The following CDH23 variants were observed in gnomAD, a reference collection of about 807,000 sequenced individuals.
The protein encoded by CDH23 is cadherin related 23.
A neutral mutation model predicts 317.1 loss-of-function variants in CDH23; 189 were observed. The observed-to-expected ratio is 0.60, with a 90% CI of 0.53 to 0.67. The LOEUF is 0.67. CDH23 is among the 30% of genes least tolerant of loss of function. CDH23 has a pLI of 0.00. For synonymous variants in CDH23, 1,839 were observed against 1,876.8 expected, an observed-to-expected ratio of 0.98 and a Z score of 0.52; for missense variants, 4,401 against 4,592.4, an observed-to-expected ratio of 0.96 and a Z score of 1.20.
intron 38 of CDH23, among the ~76,000 whole-genome samples, chr10:71,766,767 G>A (rs1046732087): frequency 2.6e-5 from 4 of 152,140 alleles, no homozygotes; most frequent in East Asian, 3.9e-4. Context: ...GCCACACAGT[G>A]CTGTGTGACT....
intron 35 of CDH23, among the ~76,000 whole-genome samples, chr10:71,739,132 G>A (rs1839665140): frequency 6.6e-6 from 1 of 152,202 alleles, no homozygotes; most frequent in African/African-American, 2.4e-5. Context: ...TGGCTTGCAT[G>A]GTCTAGGGGG....
In CDH23 at chr10:71,793,262, G is replaced by A. The variant is rs371928601; in HGVS notation, c.6334G>A (p.Ala2112Thr). Residue 2112 changes from alanine (A) to threonine (T), a missense_variant, in exon 48 of 70, where the codon GCT becomes ACT. Physicochemically the swap from Ala to Thr is moderately conservative, Grantham distance 58 (BLOSUM62 0). This residue lies in a region of CDH23 where 3,068 missense variants were observed against 3,203.3 expected (regional missense o/e 0.96). Coordinates refer to ENST00000224721, the MANE Select transcript of CDH23 (RefSeq NM_022124.6). ...GCTGGTCTACCGAATAGAAGCTGGG[G>A]CTCAGGACCGCTTCCTCATTCATCT... ...GELVYRIEAG[A>T]QDRFLIHLVT... The A allele has an allele frequency of 4.3e-6, 7 of 1,613,820 alleles. No homozygotes were observed. The African/African-American group carries it at 6.7e-5, about 15-fold the overall frequency.
intron 6 of CDH23, among the ~76,000 whole-genome samples, chr10:71,531,398 T>C (rs1564635557): frequency 6.6e-6 from 1 of 152,334 alleles, no homozygotes; most frequent in South Asian, 2.1e-4. Context: ...TGAACCTCCA[T>C]TGACACCCAC....
At chr10:71,752,424 G>C (rs1840027654) in intron 38 of CDH23, among the ~76,000 whole-genome samples, 1 of 152,176 alleles carries the variant, frequency 6.6e-6, no homozygotes, top group African/African-American at 2.4e-5. Flanking sequence ...GCAGGTACCG[G>C]GGCAGGAACT....
In CDH23 at chr10:71,447,390, C is replaced by T. The variant is rs1018389461; in HGVS notation, c.145+995C>T. Among the ~76,000 whole-genome samples, 7 of 152,278 alleles carry T rather than the reference C, an allele frequency of 4.6e-5. No individual in the cohort carries two copies. The South Asian group carries it at 1.0e-3, about 23-fold the overall frequency. On this transcript the variant is annotated intron_variant, in intron 3 of 69. Coordinates refer to ENST00000224721, the MANE Select transcript of CDH23 (RefSeq NM_022124.6). ...ATCTCTGCTCCAGTGGGGTGCCTTA[C>T]GCGGGCCCAGACTCTCCCCTGCTGT...
chr10:71,641,000 C>T (rs1026388562), intron 11 of CDH23, among the ~76,000 whole-genome samples: 4 of 152,166 alleles, frequency 2.6e-5, no homozygotes, highest in Non-Finnish European at 5.9e-5. Context: ...GCTTCCACCC[C>T]CTCCCTCAGT....
intron 6 of CDH23, among the ~76,000 whole-genome samples, chr10:71,562,308 C>T (rs1211269353): frequency 1.3e-5 from 2 of 152,198 alleles, no homozygotes; most frequent in Admixed American, 6.5e-5. Context: ...CCTCCCCATG[C>T]GCATGCTGAT....
At chr10:71,648,236 C>T (rs1165492552) in intron 14 of CDH23, among the ~76,000 whole-genome samples, 1 of 152,210 alleles carries the variant, frequency 6.6e-6, no homozygotes, top group Admixed American at 6.5e-5. Flanking sequence ...GCTTGAGGCC[C>T]CCTGGACCTT....
chr10:71,730,056 G>C (rs1348157276), intron 30 of CDH23, among the ~76,000 whole-genome samples: 1 of 152,014 alleles, frequency 6.6e-6, no homozygotes, highest in African/African-American at 2.4e-5. Flanking sequence ...GGATGGTCTC[G>C]ATCTTCTGAC....
At chr10:71,499,549 T>A (rs1025498485) in intron 3 of CDH23, among the ~76,000 whole-genome samples, 1 of 148,514 alleles carries the variant, frequency 6.7e-6, no homozygotes, top group African/African-American at 2.5e-5. Context: ...GCAACAAGAG[T>A]GAAATTCCAG....
At chr10:71,415,541 C>A (rs10823737) in intron 1 of CDH23, among the ~76,000 whole-genome samples, 45,984 of 152,042 alleles carry the variant, frequency 0.3, 7,130 homozygotes, top group Middle Eastern at 0.45. Flanking sequence ...ATTTGTATTT[C>A]TTTTCTTCAG....
chr10:71,798,545 C>G lies in CDH23; in HGVS notation c.7021C>G (p.Pro2341Ala). ...CTACACCCTGCTGGACCTGGTGCCC[C>G]CAGGGTATGTCCAGCTGGAGGACTC... ...VTYTLLDLVPPGYVQLEDSSA... is the reference protein window; with the variant it reads ...VTYTLLDLVPAGYVQLEDSSA... Residue 2341 changes from proline (P) to alanine (A), a missense_variant, in exon 50 of 70, where the codon CCA becomes GCA. Pro to Ala is a conservative substitution (Grantham distance 27). Transcript: ENST00000224721. 6.2e-7 allele frequency: 1 copy of G among 1,613,190 alleles called. No individual in the cohort carries two copies. Among genetic ancestry groups the G allele is most frequent in the Non-Finnish European group, 8.5e-7 (1 of 1,179,500 alleles).
At chr10:71,701,290 A>C (rs1865573947) in intron 22 of CDH23, among the ~76,000 whole-genome samples, 1 of 152,154 alleles carries the variant, frequency 6.6e-6, no homozygotes, top group South Asian at 2.1e-4. Context: ...GGATCGGTGC[A>C]CGCAGGGGGC....
rs1840674026 is a variant in CDH23 at position 71,771,122 on chromosome 10, TCAGC to T, written c.4846-6556_4846-6553del. Among the ~76,000 whole-genome samples the T allele has an allele frequency of 1.3e-5, 2 of 152,110 alleles. 1 individual carries two copies. The highest frequency in any genetic ancestry group is 4.1e-4 in the South Asian group (2 of 4,822). On this transcript the variant is annotated intron_variant, in intron 38 of 69. Coordinates refer to ENST00000224721, the MANE Select transcript of CDH23 (RefSeq NM_022124.6). ...AGTCCCAGAGGTTGGGAGTCCTGAG[TCAGC>T]CTGTGAGGACAGGGCAAGGACAGTA...
Position 71,689,300 on chromosome 10 carries a change from C to G in CDH23, c.2060-1168C>G, listed in dbSNP as rs1865096439. Reference sequence around the variant, plus strand: ...CTAAAGAGAACCTCTGGGTACCACTCTGGCACCTGACAATGAGCTGGGTGG... The same window carrying G: ...CTAAAGAGAACCTCTGGGTACCACTGTGGCACCTGACAATGAGCTGGGTGG... On this transcript the variant is annotated intron_variant, in intron 19 of 69. Transcript: ENST00000224721. Among the ~76,000 whole-genome samples, 3 of 152,022 alleles carry G rather than the reference C, an allele frequency of 2.0e-5. No homozygotes were observed. The South Asian group carries it at 6.2e-4, about 31-fold the overall frequency.
rs546300313 is a variant in CDH23, at chr10:71,702,465, C to T, written c.2588-84C>T. 5.8e-6 allele frequency: 9 copies of T among 1,557,372 alleles called. No homozygotes were observed. The South Asian group carries it at 1.0e-4, about 18-fold the overall frequency. ...TGGAGGGCTCTGAATCTGCCACCCT[C>T]TCACCACTTGCCTTCTTCCTGTCCG... is the stretch of plus-strand genomic sequence containing the variant. On this transcript the variant is annotated intron_variant, in intron 23 of 69. Transcript: ENST00000224721.
chr10:71,721,476 T>C (rs2132791204), intron 28 of CDH23, among the ~76,000 whole-genome samples: 1 of 152,332 alleles, frequency 6.6e-6, no homozygotes, highest in East Asian at 1.9e-4. Context: ...CTGGTCATCA[T>C]TGTGCCCAGT....
chr10:71,441,863 C>T (rs1174870688), intron 2 of CDH23, among the ~76,000 whole-genome samples: 1 of 152,204 alleles, frequency 6.6e-6, no homozygotes, highest in Non-Finnish European at 1.5e-5. Flanking sequence ...AGGGTGAGGA[C>T]AAGAACAGAG....
intron 9 of CDH23, among the ~76,000 whole-genome samples, chr10:71,612,440 G>A (rs1031921364): frequency 2.1e-4 from 32 of 152,174 alleles, no homozygotes; most frequent in African/African-American, 7.7e-4. Context: ...ACAAGTGAGT[G>A]TTCCAGGGTT....
Sources: allele counts gnomAD v4.1 joint callset (sites outside exome capture counted in the v4.1 genomes callset), GRCh38; gene constraint gnomAD v4.1.1; regional missense constraint gnomAD v4.1.1; transcripts MANE v1.5; gene names NCBI Gene and HGNC (gene_info 2026-07-23, HGNC 2026-07-21).